Variants in PLEKHA5 observed in about 807,000 individuals in gnomAD.
PLEKHA5 encodes pleckstrin homology domain containing A5, also known as pleckstrin homology domain-containing family A member 5.
PLEKHA5 carries 55 observed loss-of-function variants against 181.9 expected under a neutral mutation model. That is an observed-to-expected ratio of 0.30 (90% confidence interval 0.24 to 0.38). PLEKHA5 has a LOEUF of 0.38. PLEKHA5 is among the 10% of genes least tolerant of loss of function. The probability of loss-of-function intolerance (pLI) is 1.00; values close to 1 mark genes in which losing one functional copy is unlikely to be tolerated. For missense variants in PLEKHA5, 1,432 were observed against 1,549.5 expected (o/e 0.92, Z 1.27); for synonymous variants, 535 against 529.4 (o/e 1.01, Z -0.15).
intron 3 of PLEKHA5, among the ~76,000 whole-genome samples, chr12:19,139,345 C>G (rs1399133669): frequency 6.6e-6 from 1 of 152,120 alleles, no homozygotes; most frequent in East Asian, 1.9e-4. Flanking sequence ...CATAGCATTT[C>G]AGGTGGCTAA....
chr12:19,130,020 T>C lies in PLEKHA5; in HGVS notation c.90-31T>C, dbSNP rs2032962648. 2 of 1,543,116 alleles carry C rather than the reference T, an allele frequency of 1.3e-6. No individual in the cohort carries two copies. Among genetic ancestry groups the C allele is most frequent in the East Asian group, 2.4e-5 (1 of 41,208 alleles). The stretch of plus-strand genomic sequence containing the variant: ...CTCGCCCCCGCGTCCCCTCTCACGC[T>C]CCGTGTCTGCCCCTTCTCTCACCCC... On this transcript the variant is annotated intron_variant, in intron 1 of 31. Coordinates refer to ENST00000429027, the MANE Select transcript of PLEKHA5 (RefSeq NM_001256470.2). The surrounding 1 kb of genome is among the most constrained non-coding windows in gnomAD (Gnocchi z 4.5).
intron 26 of PLEKHA5, among the ~76,000 whole-genome samples, chr12:19,356,954 C>T (rs150287118): frequency 1.3e-5 from 2 of 152,010 alleles, no homozygotes; most frequent in African/African-American, 4.8e-5. Context: ...CCACCGCGCC[C>T]GGCCTAAGCA....
chr12:19,189,719 T>G (rs1240557090), intron 3 of PLEKHA5, among the ~76,000 whole-genome samples: 2 of 152,198 alleles, frequency 1.3e-5, no homozygotes, highest in Non-Finnish European at 2.9e-5. Context: ...TTCATGCTAT[T>G]CAGACCATTA....
At chr12:19,150,221 GTTA>G (rs1251139845) in intron 3 of PLEKHA5, 2 of 152,146 alleles carry the variant, frequency 1.3e-5, no homozygotes, top group African/African-American at 4.8e-5. Flanking sequence ...GTAGAATAGA[GTTA>G]TTATGTTTTT....
chr12:19,215,902 G>A (rs920121139), intron 3 of PLEKHA5, among the ~76,000 whole-genome samples: 2 of 152,156 alleles, frequency 1.3e-5, no homozygotes, highest in Non-Finnish European at 2.9e-5. Flanking sequence ...ATAATATTGA[G>A]TTGGGTATGA....
chr12:19,343,484 A>C, intron 22 of PLEKHA5, 50 bp downstream of exon 22: 2 of 1,024,896 alleles, frequency 2.0e-6, no homozygotes, highest in Non-Finnish European at 3.1e-6. Context: ...TATTACAGTC[A>C]TGTGTCGCTT....
chr12:19,270,135 T>C (rs933993168), intron 9 of PLEKHA5, 53 bp from the exon 10 acceptor site: 1 of 1,158,208 alleles, frequency 8.6e-7, no homozygotes, highest in Non-Finnish European at 1.2e-6. Context: ...ATCGGTGTAC[T>C]GGGGTGAATC....
At chr12:19,260,177 A>C (rs894771671) in intron 6 of PLEKHA5, among the ~76,000 whole-genome samples, 1 of 152,170 alleles carries the variant, frequency 6.6e-6, no homozygotes, top group African/African-American at 2.4e-5. Context: ...ATGTTTATGA[A>C]TTGCATTTGT....
chr12:19,298,194 A>G (rs1191256344), intron 15 of PLEKHA5, among the ~76,000 whole-genome samples: 1 of 152,016 alleles, frequency 6.6e-6, no homozygotes, highest in Non-Finnish European at 1.5e-5. Context: ...GGGAGACACC[A>G]TCTCCAAAAA....
intron 3 of PLEKHA5, among the ~76,000 whole-genome samples, chr12:19,241,585 C>T (rs1394573928): frequency 1.3e-5 from 2 of 151,936 alleles, no homozygotes; most frequent in Non-Finnish European, 2.9e-5. Context: ...GGTAAAACCC[C>T]GTCTCTACTA....
At chr12:19,319,291 C>G (rs757029674) in intron 16 of PLEKHA5, among the ~76,000 whole-genome samples, 13 of 152,092 alleles carry the variant, frequency 8.5e-5, no homozygotes, top group South Asian at 2.1e-4. Flanking sequence ...GTCACAGATT[C>G]ATTTGCATGA....
intron 16 of PLEKHA5, among the ~76,000 whole-genome samples, chr12:19,316,347 T>C (rs1282698382): frequency 6.6e-6 from 1 of 152,034 alleles, no homozygotes; most frequent in Admixed American, 6.6e-5. Context: ...TGCGGAAGTC[T>C]GATAGTTTAA....
chr12:19,343,666 A>G (rs1190218172), intron 22 of PLEKHA5, among the ~76,000 whole-genome samples: 12 of 152,200 alleles, frequency 7.9e-5, no homozygotes. Context: ...TGAATACTGT[A>G]GACAGTTGTA....
intron 15 of PLEKHA5, among the ~76,000 whole-genome samples, chr12:19,303,014 C>T (rs1232027730): frequency 2.1e-5 from 3 of 142,138 alleles, no homozygotes; most frequent in South Asian, 2.3e-4. Context: ...CTCCATTTCC[C>T]GGGTTCAACT....
At chr12:19,226,067 T>G (rs1462506445) in intron 3 of PLEKHA5, among the ~76,000 whole-genome samples, 2 of 152,220 alleles carry the variant, frequency 1.3e-5, no homozygotes, top group Non-Finnish European at 2.9e-5. Context: ...TACAGTACAT[T>G]GGTATTTAAT....
At position 19,245,743 on chromosome 12, in the gene PLEKHA5, A is replaced by C. The variant is rs1009470250; in HGVS notation, c.228-8197A>C. On this transcript the variant is annotated intron_variant, in intron 3 of 31. Transcript: ENST00000429027. Reference sequence around the variant, plus strand: ...ACTGTCAAAAAAAAAAAAAAAAAAAAAAAAAAACCTTCCTTTTAACTCTAG... The same window carrying C: ...ACTGTCAAAAAAAAAAAAAAAAAAACAAAAAAACCTTCCTTTTAACTCTAG... Among the ~76,000 whole-genome samples, 10 of 150,820 alleles carry C rather than the reference A, an allele frequency of 6.6e-5. No homozygotes were observed. The East Asian group carries it at 1.4e-3, about 21-fold the overall frequency.
intron 3 of PLEKHA5, among the ~76,000 whole-genome samples, chr12:19,227,286 C>CTTTTTTTTTT (rs79530115): frequency 2.3e-5 from 3 of 131,392 alleles, no homozygotes; most frequent in Non-Finnish European, 3.3e-5. Flanking sequence ...CTAGTGATTT[C>CTTTTTTTTTT]TTTTTTTTTT....
intron 20 of PLEKHA5, among the ~76,000 whole-genome samples, chr12:19,330,744 T>C (rs1437566015): frequency 1.3e-5 from 2 of 152,128 alleles, no homozygotes; most frequent in African/African-American, 4.8e-5. Context: ...GGCAGGACTG[T>C]TATGGTGGAG....
chr12:19,165,207 T>C (rs2044034840), intron 3 of PLEKHA5, among the ~76,000 whole-genome samples: 1 of 152,190 alleles, frequency 6.6e-6, no homozygotes, highest in African/African-American at 2.4e-5. Flanking sequence ...CCAGTGGATA[T>C]ATTGCAGGTC....
Sources: gnomAD v4.1 joint callset for allele counts (sites outside exome capture counted in the v4.1 genomes callset) on GRCh38, gnomAD v4.1.1 for gene constraint, Gnocchi (gnomAD v3.1) non-coding constraint, MANE v1.5 for transcripts, NCBI Gene and HGNC (gene_info 2026-07-23, HGNC 2026-07-21) for gene names.